Variants in GRIK1 observed in about 807,000 individuals in gnomAD.
GRIK1 encodes the protein glutamate ionotropic receptor kainate type subunit 1.
GRIK1 carries 69 observed loss-of-function variants against 105.7 expected under a neutral mutation model. The observed-to-expected ratio is 0.65, with a 90% confidence interval of 0.54 to 0.80. The LOEUF is 0.80. Ranked by LOEUF, GRIK1 falls within the 30% of genes least tolerant of loss-of-function variation. GRIK1 has a pLI of 0.00. For synonymous variants in GRIK1, 438 were observed against 431.3 expected, an observed-to-expected ratio of 1.02 and a Z score of -0.19; for missense variants, 1,109 against 1,167.3, an observed-to-expected ratio of 0.95 and a Z score of 0.73.
intron 14 of GRIK1, 73 bp downstream of exon 14, chr21:29,576,891 T>C (rs564092819): frequency 4.7e-6 from 4 of 843,168 alleles, no homozygotes; most frequent in African/African-American, 3.3e-5. Flanking sequence ...TTTTCTTTTT[T>C]TTTTCGACAG....
chr21:29,922,015 G>T (rs1281249897), intron 1 of GRIK1, among the ~76,000 whole-genome samples: 2 of 152,234 alleles, frequency 1.3e-5, no homozygotes, highest in East Asian at 3.9e-4. Flanking sequence ...AAAGGTAGAT[G>T]AAAGAAAGGA....
intron 1 of GRIK1, among the ~76,000 whole-genome samples, chr21:29,761,646 T>G (rs1028045727): frequency 3.3e-5 from 5 of 152,190 alleles, no homozygotes; most frequent in Non-Finnish European, 5.9e-5. Flanking sequence ...CAGATTCTAT[T>G]TATGCCTTTA....
chr21:29,633,227 G>C (rs1446957698), intron 7 of GRIK1, among the ~76,000 whole-genome samples: 1 of 150,742 alleles, frequency 6.6e-6, no homozygotes, highest in Non-Finnish European at 1.5e-5. Context: ...TTCTGGCTGG[G>C]CACGTGGCTT....
chr21:29,685,467 T>A (rs1030161463), intron 3 of GRIK1, among the ~76,000 whole-genome samples: 29 of 152,168 alleles, frequency 1.9e-4, no homozygotes, highest in African/African-American at 7.0e-4. Flanking sequence ...TTTTAATGTT[T>A]TGCCACTGAA....
rs529733651 is a variant in GRIK1 at position 29,593,197 on chromosome 21, A to G, written c.1252-1972T>C. On this transcript the variant is annotated intron_variant, in intron 9 of 17. Transcript: ENST00000327783. ...TGACTGGAGAAATAAAGAGACAGGT[A>G]TAGGTAAATGGGGGAATGGGATAGT... Among the ~76,000 whole-genome samples, 6 of 152,330 alleles carry G rather than the reference A, an allele frequency of 3.9e-5. No individual in the cohort carries two copies. The South Asian group carries it at 8.3e-4, about 21-fold the overall frequency.
chr21:29,800,421 TA>T (rs1160135761), intron 1 of GRIK1, among the ~76,000 whole-genome samples: 1 of 152,234 alleles, frequency 6.6e-6, no homozygotes, highest in East Asian at 1.9e-4. Context: ...AAGACACCTT[TA>T]TTAAGCAAGC....
intron 7 of GRIK1, among the ~76,000 whole-genome samples, chr21:29,633,192 G>A (rs1199046386): frequency 7.2e-5 from 11 of 152,202 alleles, no homozygotes; most frequent in Admixed American, 7.2e-4. Context: ...GGACTTCTCA[G>A]CCTCCAGAAC....
chr21:29,702,300 G>GT (rs200272180), intron 1 of GRIK1, among the ~76,000 whole-genome samples: 8 of 151,942 alleles, frequency 5.3e-5, no homozygotes, highest in East Asian at 1.9e-4. Context: ...TAAAATGGAA[G>GT]TTTTTTTTAA....
chr21:29,744,616 T>C (rs1216274151), intron 1 of GRIK1, among the ~76,000 whole-genome samples: 1 of 151,970 alleles, frequency 6.6e-6, no homozygotes, highest in Non-Finnish European at 1.5e-5. Flanking sequence ...TTATTCTTCA[T>C]CTGATTACAG....
intron 1 of GRIK1, among the ~76,000 whole-genome samples, chr21:29,701,177 T>C (rs1365703052): frequency 1.3e-5 from 2 of 152,192 alleles, no homozygotes; most frequent in African/African-American, 2.4e-5. Context: ...AGACAGATAC[T>C]GTGTGAGGCA....
intron 1 of GRIK1, among the ~76,000 whole-genome samples, chr21:29,781,447 T>C (rs968469243): frequency 2.6e-5 from 4 of 152,158 alleles, no homozygotes; most frequent in South Asian, 2.1e-4. Context: ...CGTACCTATG[T>C]GTATGCCATT....
chr21:29,591,670 G>A (rs1229644133), intron 9 of GRIK1, among the ~76,000 whole-genome samples: 2 of 152,132 alleles, frequency 1.3e-5, no homozygotes, highest in African/African-American at 4.8e-5. Flanking sequence ...ACCTTAGGCT[G>A]CCAAAGTAGT....
At chr21:29,919,415 G>A (rs1569218350) in intron 1 of GRIK1, among the ~76,000 whole-genome samples, 1 of 152,152 alleles carries the variant, frequency 6.6e-6, no homozygotes, top group Admixed American at 6.6e-5. Context: ...TGCACACAGA[G>A]GATGTATTCC....
At chr21:29,541,075 C>T (rs2089961249) in intron 16 of GRIK1, among the ~76,000 whole-genome samples, 1 of 151,358 alleles carries the variant, frequency 6.6e-6, no homozygotes, top group Non-Finnish European at 1.5e-5. Flanking sequence ...TCAAGCGATT[C>T]TCCTGCCTCA....
intron 1 of GRIK1, among the ~76,000 whole-genome samples, chr21:29,705,696 C>T (rs539821156): frequency 1.3e-5 from 2 of 152,200 alleles, no homozygotes; most frequent in Non-Finnish European, 2.9e-5. Flanking sequence ...TCAAATCTTA[C>T]CTCATCTTTT....
intron 1 of GRIK1, chr21:29,861,573 G>GCGAACCAACACT (rs2068638878): frequency 2.4e-5 from 5 of 206,862 alleles, no homozygotes; most frequent in South Asian, 2.2e-4. Flanking sequence ...CTCCCAAAGT[G>GCGAACCAACACT]TGGGATTATA....
chr21:29,592,894 G>A (rs537609124), intron 9 of GRIK1, among the ~76,000 whole-genome samples: 6 of 152,276 alleles, frequency 3.9e-5, no homozygotes, highest in South Asian at 2.1e-4. Context: ...ACTTGGACCC[G>A]CTCTGAGATG....
At position 29,742,682 on chromosome 21, in the gene GRIK1, T is replaced by C. The variant is rs1292514265; in HGVS notation, c.119-48619A>G. On this transcript the variant is annotated intron_variant, in intron 1 of 17. Transcript: ENST00000327783. ...ATCAGTTTTTGAAATTGTACTTGGA[T>C]TTTCTTGAACTTAGATTCTAAAGAA... is the stretch of plus-strand genomic sequence containing the variant. Among the ~76,000 whole-genome samples the C allele has an allele frequency of 2.6e-5, 4 of 152,218 alleles. No homozygotes were observed. The East Asian group carries it at 7.7e-4, about 29-fold the overall frequency.
Position 29,890,958 on chromosome 21 carries a change from T to C in GRIK1, c.118+48425A>G, listed in dbSNP as rs2069874629. Among the ~76,000 whole-genome samples, 3 of 152,154 alleles carry C rather than the reference T, an allele frequency of 2.0e-5. No homozygotes were observed. The South Asian group carries it at 6.2e-4, about 32-fold the overall frequency. ...ATAGATCACCATCACCTATAAATTA[T>C]CTGTATCAAGAAGCTATTAGCTAAT... On this transcript the variant is annotated intron_variant, in intron 1 of 17. Coordinates refer to ENST00000327783, the MANE Select transcript of GRIK1 (RefSeq NM_001330994.2).
Sources: allele counts gnomAD v4.1 joint callset (sites outside exome capture counted in the v4.1 genomes callset), GRCh38; gene constraint gnomAD v4.1.1; transcripts MANE v1.5; gene names NCBI Gene and HGNC (gene_info 2026-07-23, HGNC 2026-07-21).